The following TMEM132C variants were observed in gnomAD, a reference collection of about 807,000 sequenced individuals.
TMEM132C encodes transmembrane protein 132C, also known as protein phosphatase 1, regulatory subunit 152.
Under a neutral mutation model 61.4 loss-of-function variants are expected in TMEM132C, and 29 were observed. The ratio of observed to expected loss-of-function variants is 0.47; its 90% CI spans 0.35 to 0.64. The LOEUF (loss-of-function observed/expected upper bound fraction) is 0.64, where lower values mean the gene tolerates loss of function less well. Ranked by LOEUF, TMEM132C falls within the 30% of genes least tolerant of loss-of-function variation. TMEM132C has a pLI of 0.00. For synonymous variants in TMEM132C, 656 were observed against 633.1 expected (o/e 1.04, Z -0.54); for missense variants, 1,408 against 1,476.9 (o/e 0.95, Z 0.76).
chr12:128,379,787 G>A (rs1874343149), intron 1 of TMEM132C, among the ~76,000 whole-genome samples: 1 of 152,146 alleles, frequency 6.6e-6, no homozygotes, highest in Non-Finnish European at 1.5e-5. Context: ...GCATGTTCTG[G>A]GGCTTGGGCA....
At chr12:128,656,832 A>G (rs565881649) in intron 4 of TMEM132C, among the ~76,000 whole-genome samples, 25 of 152,324 alleles carry the variant, frequency 1.6e-4, no homozygotes, top group African/African-American at 5.5e-4. Context: ...CAGTAACTGA[A>G]GAAAAAAAGA....
At chr12:128,575,636 CT>C (rs1207323503) in intron 3 of TMEM132C, among the ~76,000 whole-genome samples, 1 of 152,142 alleles carries the variant, frequency 6.6e-6, no homozygotes, top group African/African-American at 2.4e-5. Flanking sequence ...GAAAAGCTGA[CT>C]TTTATACATG....
At chr12:128,371,400 C>T (rs939652404) in intron 1 of TMEM132C, among the ~76,000 whole-genome samples, 17 of 152,098 alleles carry the variant, frequency 1.1e-4, no homozygotes, top group Non-Finnish European at 1.5e-4. Context: ...TGATTGGTTC[C>T]AAGATGGGCA....
intron 1 of TMEM132C, among the ~76,000 whole-genome samples, chr12:128,298,199 C>T (rs948453252): frequency 1.3e-5 from 2 of 152,184 alleles, no homozygotes; most frequent in Admixed American, 1.3e-4. Flanking sequence ...CTTAAGACCC[C>T]AGTGCGGCTC....
chr12:128,465,141 C>A (rs527996140), intron 2 of TMEM132C, among the ~76,000 whole-genome samples: 22 of 152,196 alleles, frequency 1.4e-4, no homozygotes, highest in African/African-American at 5.3e-4. Flanking sequence ...CTTCTTTAAA[C>A]CCCTGGTGAG....
chr12:128,593,905 A>G (rs1209034698), intron 3 of TMEM132C, among the ~76,000 whole-genome samples: 5 of 151,948 alleles, frequency 3.3e-5, no homozygotes, highest in Non-Finnish European at 7.4e-5. Context: ...TGCCTACCAA[A>G]TCATGGAAAG....
rs1954838880 is a variant in TMEM132C at position 128,706,182 on chromosome 12, A to G, written c.3214A>G (p.Asn1072Asp). 4 of 1,551,672 alleles carry G rather than the reference A, an allele frequency of 2.6e-6. No individual in the cohort carries two copies. The East Asian group carries it at 9.8e-5, about 38-fold the overall frequency. Residue 1072 changes from asparagine to aspartate, a missense_variant, in exon 9 of 9, where the codon AAC becomes GAC. Physicochemically the swap from Asn to Asp is conservative, Grantham distance 23. Transcript: ENST00000435159. ...CCCGGACGACAGCTGCCCCACGGTG[A>G]ACTCCATCGTCAGCAGCAATGATGA... ...IPPDDSCPTV[N>D]SIVSSNDEDI...
At chr12:128,352,349 C>T (rs536291500) in intron 1 of TMEM132C, among the ~76,000 whole-genome samples, 3 of 152,066 alleles carry the variant, frequency 2.0e-5, no homozygotes, top group Non-Finnish European at 2.9e-5. Flanking sequence ...CATCAGATCT[C>T]GTGAGAACTT....
intron 3 of TMEM132C, among the ~76,000 whole-genome samples, chr12:128,614,281 A>G (rs1876727339): frequency 6.6e-6 from 1 of 152,232 alleles, no homozygotes; most frequent in African/African-American, 2.4e-5. Context: ...CAGGCTCTAC[A>G]TTGACTGATG....
chr12:128,573,112 A>G (rs1874953386), intron 3 of TMEM132C, among the ~76,000 whole-genome samples: 2 of 152,262 alleles, frequency 1.3e-5, no homozygotes. Context: ...GTATATACCC[A>G]AAGGATTATA....
At chr12:128,495,176 G>A (rs1238213525) in intron 2 of TMEM132C, among the ~76,000 whole-genome samples, 3 of 151,704 alleles carry the variant, frequency 2.0e-5, no homozygotes, top group African/African-American at 7.3e-5. Flanking sequence ...TTAATCCTGA[G>A]TTGTAGTTTG....
At chr12:128,611,206 C>CT (rs1876622326) in intron 3 of TMEM132C, among the ~76,000 whole-genome samples, 2 of 151,826 alleles carry the variant, frequency 1.3e-5, no homozygotes, top group Non-Finnish European at 2.9e-5. Context: ...TCAGGAAGTC[C>CT]TTTGAAGCCC....
rs533284172 is a variant in TMEM132C, at chr12:128,598,507, A to T, written c.1122-17645A>T. On this transcript the variant is annotated intron_variant, in intron 3 of 8. Transcript: ENST00000435159. ...GCCCCCCTTCCACCACCCAGCAATG[A>T]TGCAGGATCCCACCCCAGCCTTGCT... 2.0e-5 allele frequency among the ~76,000 whole-genome samples: 3 copies of T among 152,066 alleles called. No homozygotes were observed. The South Asian group carries it at 6.2e-4, about 32-fold the overall frequency.
rs527843471 is a variant in TMEM132C, at chr12:128,658,339, G to A, written c.1306-11078G>A. On this transcript the variant is annotated intron_variant, in intron 4 of 8. Transcript: ENST00000435159. ...CTGAGAGCTGGACCCTCTTTTCTGG[G>A]TTCCAATTTCAAAACTGGACCTTTC... 9.2e-5 allele frequency among the ~76,000 whole-genome samples: 14 copies of A among 152,312 alleles called. No individual in the cohort carries two copies. The South Asian group carries it at 2.7e-3, about 29-fold the overall frequency.
At chr12:128,658,430 C>T (rs1310775074) in intron 4 of TMEM132C, among the ~76,000 whole-genome samples, 2 of 152,230 alleles carry the variant, frequency 1.3e-5, no homozygotes, top group Admixed American at 6.5e-5. Context: ...TGTGCCTTCC[C>T]ACTGTCTCCA....
chr12:128,486,993 C>G (rs1444960327), intron 2 of TMEM132C, among the ~76,000 whole-genome samples: 1 of 151,914 alleles, frequency 6.6e-6, no homozygotes, highest in Non-Finnish European at 1.5e-5. Flanking sequence ...CGTAATGATT[C>G]TAAGGCTGTA....
Position 128,616,316 on chromosome 12 carries a change from G to T in TMEM132C, c.1286G>T (p.Gly429Val), listed in dbSNP as rs1876798996. The part of the protein sequence containing the change: ...EIFVSQKDLV[G>V]IVPLAMDTEI... Reference sequence around the variant, plus strand: ...TTTGTCAGCCAGAAGGACCTGGTGGGCATCGTTCCCTTGGCTATGGTGAGT... The same window carrying T: ...TTTGTCAGCCAGAAGGACCTGGTGGTCATCGTTCCCTTGGCTATGGTGAGT... The change falls in exon 4 of 9, where the codon GGC becomes GTC. Residue 429 changes from glycine (G) to valine (V), a missense_variant. Physicochemically the swap from Gly to Val is moderately radical, Grantham distance 109. Coordinates refer to ENST00000435159, the MANE Select transcript of TMEM132C (RefSeq NM_001136103.3). 4 of 1,551,806 alleles carry T rather than the reference G, an allele frequency of 2.6e-6. No homozygotes were observed. The highest frequency in any genetic ancestry group is 3.5e-6 in the Non-Finnish European group (4 of 1,146,932).
intron 8 of TMEM132C, among the ~76,000 whole-genome samples, chr12:128,701,374 G>C (rs917297305): frequency 6.6e-6 from 1 of 152,158 alleles, no homozygotes; most frequent in Admixed American, 6.5e-5. Flanking sequence ...GAGCCAGCTG[G>C]TGTTGGCCAG....
At chr12:128,465,345 C>G (rs1432762707) in intron 2 of TMEM132C, among the ~76,000 whole-genome samples, 2 of 151,798 alleles carry the variant, frequency 1.3e-5, no homozygotes, top group Non-Finnish European at 2.9e-5. Flanking sequence ...ATTAAAGACG[C>G]CTGCCACCAC....
Sources: allele counts gnomAD v4.1 joint callset (sites outside exome capture counted in the v4.1 genomes callset), GRCh38; gene constraint gnomAD v4.1.1; transcripts MANE v1.5; gene names NCBI Gene and HGNC (gene_info 2026-07-23, HGNC 2026-07-21).